The following EAF1 variants were observed in gnomAD, a reference collection of about 807,000 sequenced individuals.
EAF1 encodes ELL-associated factor 1.
In EAF1, 19 loss-of-function variants were observed where a neutral mutation model predicts 26.6. The observed-to-expected ratio is 0.71, with a 90% CI of 0.50 to 1.05. EAF1 has a LOEUF of 1.05. Among genes scored for constraint, EAF1 ranks in the 50% least tolerant of loss-of-function variants. EAF1 has a pLI of 0.00. For missense variants in EAF1, 260 were observed against 335.5 expected, an observed-to-expected ratio of 0.78 and a Z score of 1.76; for synonymous variants, 102 against 120.6, an observed-to-expected ratio of 0.85 and a Z score of 1.01.
intron 5 of EAF1, 36 bp downstream of exon 5, chr3:15,436,611 C>T: frequency 6.7e-7 from 1 of 1,487,026 alleles, no homozygotes. Context: ...TGAGAGAGGG[C>T]CATAGGTGCA....
intron 1 of EAF1, among the ~76,000 whole-genome samples, chr3:15,428,100 A>C (rs935919587): frequency 1.3e-5 from 2 of 151,498 alleles, no homozygotes; most frequent in East Asian, 1.9e-4. Flanking sequence ...CTATTCTTCT[A>C]CCTCACAGTC....
At chr3:15,431,403 T>A (rs2061801110) in intron 2 of EAF1, among the ~76,000 whole-genome samples, 1 of 151,434 alleles carries the variant, frequency 6.6e-6, no homozygotes, top group South Asian at 2.1e-4. Context: ...AGAAGCCTTG[T>A]TAAAGCTGGC....
chr3:15,433,804 T>C (rs146155208), intron 3 of EAF1, among the ~76,000 whole-genome samples: 10 of 152,326 alleles, frequency 6.6e-5, no homozygotes, highest in Admixed American at 2.0e-4. Context: ...CCCTTAAGAT[T>C]CTAATGGAGC....
At chr3:15,436,086 C>T in intron 4 of EAF1, 1 of 291,600 alleles carries the variant, frequency 3.4e-6, no homozygotes, top group Non-Finnish European at 6.4e-6. Context: ...TTACACAGAA[C>T]AGCCATTATT....
rs76372449 is a variant in EAF1 at position 15,438,024 on chromosome 3, A to G, written c.761-1085A>G. 1.3e-3 allele frequency among the ~76,000 whole-genome samples: 199 copies of G among 152,322 alleles called. 1 individual carries two copies. The highest frequency in any genetic ancestry group is 4.6e-3 in the African/African-American group (193 of 41,576). ...CCATCTTTAACATAGAGACTGAAGT[A>G]TATGAAGAAAATCTGGCATTCTAGG... is the stretch of plus-strand genomic sequence containing the variant. On this transcript the variant is annotated intron_variant, in intron 5 of 5. Transcript: ENST00000396842.
At chr3:15,432,320 G>C in intron 3 of EAF1, 97 bp downstream of exon 3, 1 of 1,478,440 alleles carries the variant, frequency 6.8e-7, no homozygotes, top group Non-Finnish European at 9.2e-7. Flanking sequence ...TGCTCATAGT[G>C]TTCTATCAAT....
In EAF1 at chr3:15,441,572, C is replaced by CA. The variant is rs1207053896; in HGVS notation, c.*2418dup. 1 of 142,002 alleles carries CA rather than the reference C, an allele frequency of 7.0e-6. No homozygotes were observed. Among genetic ancestry groups the CA allele is most frequent in the African/African-American group, 2.7e-5 (1 of 37,312 alleles). 8.8% of individuals were successfully genotyped at this position (142,002 alleles called of 1,614,324 possible). On this transcript the variant is annotated 3_prime_UTR_variant, in exon 6 of 6. Transcript: ENST00000396842. Reference sequence around the variant, plus strand: ...AGGTACTGGGCTGGCTGTGGTGACTCATGCCTGTAATCCCAGCACTTTGGG... The same window carrying CA: ...AGGTACTGGGCTGGCTGTGGTGACTCAATGCCTGTAATCCCAGCACTTTGGG...
At position 15,436,449 on chromosome 3, in the gene EAF1, G is replaced by A; in HGVS notation, c.634G>A (p.Gly212Arg). The change falls in exon 5 of 6, where the codon GGA becomes AGA. Residue 212 changes from glycine (G) to arginine (R), a missense_variant. Physicochemically the swap from Gly to Arg is moderately radical, Grantham distance 125 (BLOSUM62 -2). Coordinates refer to ENST00000396842, the MANE Select transcript of EAF1 (RefSeq NM_033083.7). ...AAGTGATGACGATAGCTCCAGCAGT[G>A]GAGGCGAGGACAATGGCCCAGCCTC... ...SGSDDDSSSS[G>R]GEDNGPASPP... 1 of 1,613,810 alleles carries A rather than the reference G, an allele frequency of 6.2e-7. No homozygotes were observed. Among genetic ancestry groups the A allele is most frequent in the East Asian group, 2.2e-5 (1 of 44,868 alleles).
chr3:15,435,108 G>A (rs1480534051), intron 4 of EAF1, among the ~76,000 whole-genome samples: 1 of 152,136 alleles, frequency 6.6e-6, no homozygotes, highest in Admixed American at 6.6e-5. Context: ...GGATTAAAAT[G>A]CCTTTTAAAA....
Position 15,440,650 on chromosome 3 carries a change from A to G in EAF1, c.*1495A>G, listed in dbSNP as rs2061862740. 6.6e-6 allele frequency: 1 copy of G among 152,550 alleles called. No homozygotes were observed. Among genetic ancestry groups the G allele is most frequent in the South Asian group, 2.1e-4 (1 of 4,822 alleles). The allele number at this position is 152,550 out of a possible 1,614,324, so 9.4% of individuals were successfully genotyped here. ...ATTAGAGTTAAACTTCATAGAGTCA[A>G]CTGTTTCATCATCATAGTGAGCCCA... On this transcript the variant is annotated 3_prime_UTR_variant, in exon 6 of 6. Transcript: ENST00000396842.
intron 2 of EAF1, among the ~76,000 whole-genome samples, chr3:15,431,513 A>G (rs938308630): frequency 2.0e-5 from 3 of 152,228 alleles, no homozygotes; most frequent in African/African-American, 7.2e-5. Flanking sequence ...AGTATGCTGC[A>G]GGGTGAGGTG....
intron 3 of EAF1, chr3:15,433,057 TCTAA>T (rs1411927317): frequency 6.6e-6 from 1 of 152,080 alleles, no homozygotes; most frequent in Non-Finnish European, 1.5e-5. Context: ...CATTGTTTTA[TCTAA>T]CAAGTAATTT....
At chr3:15,438,776 T>C (rs773064480) in intron 5 of EAF1, 85 of 179,680 alleles carry the variant, frequency 4.7e-4, no homozygotes, top group Non-Finnish European at 8.2e-4. Context: ...CTCCCTGCCT[T>C]GGCCTCCCAA....
At chr3:15,430,564 T>C (rs2061797037) in intron 2 of EAF1, among the ~76,000 whole-genome samples, 1 of 152,064 alleles carries the variant, frequency 6.6e-6, no homozygotes, top group South Asian at 2.1e-4. Context: ...GCCCCTCTTT[T>C]AGATATAGCT....
chr3:15,428,414 A>C (rs1239465975), intron 1 of EAF1, among the ~76,000 whole-genome samples: 1 of 152,114 alleles, frequency 6.6e-6, no homozygotes, highest in Non-Finnish European at 1.5e-5. Flanking sequence ...CTCTACAGCC[A>C]AAGAATTGGC....
intron 1 of EAF1, among the ~76,000 whole-genome samples, chr3:15,429,529 A>C (rs1292232416): frequency 6.6e-6 from 1 of 152,200 alleles, no homozygotes. Flanking sequence ...AAAGCAACTT[A>C]TTATGGATGA....
chr3:15,427,821 T>A lies in EAF1; in HGVS notation c.42T>A (p.His14Gln). 2 of 1,551,392 alleles carry A rather than the reference T, an allele frequency of 1.3e-6. No individual in the cohort carries two copies. The highest frequency in any genetic ancestry group is 4.9e-5 in the East Asian group (2 of 40,874). Reference protein sequence around the residue: ...TANPLLDREEHCLRLGESFEK... With the variant: ...TANPLLDREEQCLRLGESFEK... Reference sequence around the variant, plus strand: ...ACCCGCTGCTGGACCGCGAGGAACATTGCCTGAGGCTCGGGGAGAGCTTCG... The same window carrying A: ...ACCCGCTGCTGGACCGCGAGGAACAATGCCTGAGGCTCGGGGAGAGCTTCG... Residue 14 changes from histidine to glutamine, a missense_variant, in exon 1 of 6, where the codon CAT becomes CAA. Transcript: ENST00000396842.
chr3:15,439,102 TA>T lies in EAF1; in HGVS notation c.761-4del. The stretch of plus-strand genomic sequence containing the variant: ...TATGATTTTACTTTATTTTTTTTTT[TA>T]AATAGGAAATGACTTGCAGTTGAGT... On this transcript the variant is annotated splice_region_variant and splice_polypyrimidine_tract_variant and intron_variant, in intron 5 of 5. Coordinates refer to ENST00000396842, the MANE Select transcript of EAF1 (RefSeq NM_033083.7). 1.9e-6 allele frequency: 3 copies of T among 1,604,452 alleles called. No homozygotes were observed. Among genetic ancestry groups the T allele is most frequent in the African/African-American group, 1.3e-5 (1 of 74,564 alleles).
Position 15,440,339 on chromosome 3 carries a change from C to T in EAF1, c.*1184C>T, listed in dbSNP as rs1202989528. ...GATTGCCTTCTACAGTGTGCCATTT[C>T]CAAATGGATCTGTTGTTGGAGGAAA... On this transcript the variant is annotated 3_prime_UTR_variant, in exon 6 of 6. Transcript: ENST00000396842. The T allele has an allele frequency of 6.6e-6, 1 of 152,124 alleles. No homozygotes were observed. The highest frequency in any genetic ancestry group is 1.5e-5 in the Non-Finnish European group (1 of 68,038). The allele number at this position is 152,124 out of a possible 1,614,324, so 9.4% of individuals were successfully genotyped here.
Sources: allele counts gnomAD v4.1 joint callset (sites outside exome capture counted in the v4.1 genomes callset), GRCh38; gene constraint gnomAD v4.1.1; transcripts MANE v1.5; gene names NCBI Gene and HGNC (gene_info 2026-07-23, HGNC 2026-07-21).